PTPRK: variants seen among roughly 807,000 people sequenced by gnomAD.
PTPRK encodes protein tyrosine phosphatase receptor type K.
Under a neutral mutation model 178.0 loss-of-function variants are expected in PTPRK, and 75 were observed. That is an observed-to-expected ratio of 0.42 (90% CI 0.35 to 0.51). The LOEUF (loss-of-function observed/expected upper bound fraction) is 0.51, where lower values mean the gene tolerates loss of function less well. Among genes scored for constraint, PTPRK ranks in the 20% least tolerant of loss-of-function variants. The probability of loss-of-function intolerance (pLI) is 0.02; values close to 1 mark genes in which losing one functional copy is unlikely to be tolerated. For missense variants in PTPRK, 1,441 were observed against 1,797.8 expected (o/e 0.80, Z 3.59); for synonymous variants, 637 against 620.6 (o/e 1.03, Z -0.39).
chr6:128,155,180 G>A (rs2114579230), intron 7 of PTPRK, among the ~76,000 whole-genome samples: 1 of 151,706 alleles, frequency 6.6e-6, no homozygotes, highest in Non-Finnish European at 1.5e-5. Flanking sequence ...CTGTAAACTG[G>A]TAGTTATACT....
intron 1 of PTPRK, among the ~76,000 whole-genome samples, chr6:128,486,561 T>C (rs1214498652): frequency 6.6e-6 from 1 of 152,150 alleles, no homozygotes; most frequent in Non-Finnish European, 1.5e-5. Flanking sequence ...CCCAGGACTT[T>C]GGGAGGCCAA....
chr6:128,201,065 T>C (rs1233490603), intron 6 of PTPRK, among the ~76,000 whole-genome samples: 6 of 152,176 alleles, frequency 3.9e-5, no homozygotes, highest in African/African-American at 1.2e-4. Context: ...TAGGTGCTTA[T>C]GGACTTTCTT....
intron 1 of PTPRK, among the ~76,000 whole-genome samples, chr6:128,475,615 G>A (rs911420904): frequency 6.6e-6 from 1 of 152,006 alleles, no homozygotes; most frequent in African/African-American, 2.4e-5. Context: ...CAAGTTTCAA[G>A]TTTAGGTAAC....
intron 18 of PTPRK, among the ~76,000 whole-genome samples, chr6:127,993,779 T>C (rs908583806): frequency 3.3e-5 from 5 of 151,712 alleles, no homozygotes; most frequent in Non-Finnish European, 7.4e-5. Flanking sequence ...TATATACTCA[T>C]ATCGTTTACA....
chr6:128,133,747 C>G lies in PTPRK; in HGVS notation c.1163-43755G>C, dbSNP rs1364578021. ...TTTTTTTTTTCCCCTGAGACAGGGT[C>G]TCGCTATGTTGCTCAGGCTGTTCTC... On this transcript the variant is annotated intron_variant, in intron 7 of 29. Transcript: ENST00000368226. 1.0e-4 allele frequency among the ~76,000 whole-genome samples: 15 copies of G among 149,728 alleles called. No homozygotes were observed. In the East Asian group the frequency reaches 1.6e-3, roughly 16 times the overall value.
chr6:128,462,188 T>C (rs1202695013), intron 1 of PTPRK, among the ~76,000 whole-genome samples: 4 of 151,852 alleles, frequency 2.6e-5, no homozygotes, highest in Admixed American at 1.3e-4. Flanking sequence ...CAGAAGAGAT[T>C]AGGCAAAAAG....
At chr6:128,181,577 G>A (rs1319682812) in intron 7 of PTPRK, among the ~76,000 whole-genome samples, 1 of 151,970 alleles carries the variant, frequency 6.6e-6, no homozygotes, top group Non-Finnish European at 1.5e-5. Context: ...TCCTCCAAAG[G>A]TTATTTTTGG....
chr6:128,039,478 T>C lies in PTPRK; in HGVS notation c.2194+25280A>G, dbSNP rs537523389. ...CTGAAATTACATACAGCAAAGTTTC[T>C]ATTTAAAACACAACATTGGATTAGT... On this transcript the variant is annotated intron_variant, in intron 13 of 29. Transcript: ENST00000368226. Among the ~76,000 whole-genome samples the C allele has an allele frequency of 4.5e-4, 69 of 152,326 alleles. 1 individual carries two copies. Among genetic ancestry groups the C allele is most frequent in the African/African-American group, 1.6e-3 (67 of 41,590 alleles).
At chr6:128,287,891 A>AT (rs1166529564) in intron 3 of PTPRK, among the ~76,000 whole-genome samples, 1 of 151,774 alleles carries the variant, frequency 6.6e-6, no homozygotes, top group Non-Finnish European at 1.5e-5. Context: ...AGTTTCTTTC[A>AT]TTTTTTAAAA....
At chr6:128,412,736 A>G (rs2128380362) in intron 1 of PTPRK, among the ~76,000 whole-genome samples, 1 of 152,360 alleles carries the variant, frequency 6.6e-6, no homozygotes, top group Non-Finnish European at 1.5e-5. Context: ...CATGCTTCAG[A>G]CACTCCACGT....
intron 13 of PTPRK, chr6:128,062,543 G>A (rs961693257): frequency 6.0e-6 from 1 of 166,938 alleles, no homozygotes; most frequent in East Asian, 1.9e-4. Flanking sequence ...ATTTAGATTT[G>A]TTTTTATACA....
chr6:128,169,165 C>T (rs1799844786), intron 7 of PTPRK, among the ~76,000 whole-genome samples: 1 of 151,960 alleles, frequency 6.6e-6, no homozygotes, highest in Non-Finnish European at 1.5e-5. Flanking sequence ...TTAATAATAT[C>T]CTATTGTAAA....
chr6:128,079,659 T>C (rs1784464277), intron 10 of PTPRK, among the ~76,000 whole-genome samples: 2 of 152,174 alleles, frequency 1.3e-5, no homozygotes, highest in Middle Eastern at 3.4e-3. Context: ...ATTATCTCTA[T>C]CCATTCGTTG....
At chr6:128,404,606 T>C (rs1389337492) in intron 1 of PTPRK, among the ~76,000 whole-genome samples, 2 of 152,182 alleles carry the variant, frequency 1.3e-5, no homozygotes, top group South Asian at 2.1e-4. Flanking sequence ...AGCTCTCAGG[T>C]ACAAGTTGGA....
chr6:128,449,237 A>G (rs1161671887), intron 1 of PTPRK, among the ~76,000 whole-genome samples: 1 of 152,186 alleles, frequency 6.6e-6, no homozygotes, highest in Admixed American at 6.5e-5. Context: ...ATGCATCTGG[A>G]AAGGGCTTCA....
At chr6:128,377,448 C>T (rs1349205015) in intron 2 of PTPRK, among the ~76,000 whole-genome samples, 9 of 152,046 alleles carry the variant, frequency 5.9e-5, no homozygotes, top group Admixed American at 5.2e-4. Context: ...TCCCACCAGG[C>T]CCCTCCCACA....
intron 29 of PTPRK, among the ~76,000 whole-genome samples, chr6:127,970,894 T>A (rs1773826991): frequency 6.6e-6 from 1 of 152,138 alleles, no homozygotes; most frequent in East Asian, 1.9e-4. Flanking sequence ...TTTTTTTCTC[T>A]ATTTTATAAT....
intron 5 of PTPRK, among the ~76,000 whole-genome samples, chr6:128,231,440 A>C (rs1812285735): frequency 6.6e-6 from 1 of 152,242 alleles, no homozygotes; most frequent in Non-Finnish European, 1.5e-5. Context: ...GCTAAAGTTT[A>C]GAGCAGGTGA....
chr6:128,273,255 T>C (rs1820174587), intron 3 of PTPRK, among the ~76,000 whole-genome samples: 1 of 151,956 alleles, frequency 6.6e-6, no homozygotes, highest in Admixed American at 6.6e-5. Flanking sequence ...AAATACCTAA[T>C]GTAAATGATG....
Sources: gnomAD v4.1 joint callset for allele counts (sites outside exome capture counted in the v4.1 genomes callset) on GRCh38, gnomAD v4.1.1 for gene constraint, MANE v1.5 for transcripts, NCBI Gene and HGNC (gene_info 2026-07-23, HGNC 2026-07-21) for gene names.